The following PTPRT variants were observed in gnomAD, a reference collection of about 807,000 sequenced individuals.
PTPRT encodes the protein receptor-type tyrosine-protein phosphatase T.
A neutral mutation model predicts 176.8 loss-of-function variants in PTPRT; 56 were observed. The observed-to-expected ratio is 0.32, with a 90% CI of 0.26 to 0.40. The LOEUF is 0.40. PTPRT is among the 10% of genes least tolerant of loss of function. The pLI is 1.00. For synonymous variants in PTPRT, 783 were observed against 739.0 expected (o/e 1.06, Z -0.96); for missense variants, 1,540 against 1,908.2 (o/e 0.81, Z 3.60).
chr20:42,322,037 A>C (rs1182077671), intron 11 of PTPRT, among the ~76,000 whole-genome samples: 1 of 152,192 alleles, frequency 6.6e-6, no homozygotes, highest in Non-Finnish European at 1.5e-5. Context: ...ACGCCACTGC[A>C]CTCCAGCCTG....
At chr20:42,949,272 T>C (rs1981080510) in intron 1 of PTPRT, among the ~76,000 whole-genome samples, 1 of 152,172 alleles carries the variant, frequency 6.6e-6, no homozygotes, top group African/African-American at 2.4e-5. Flanking sequence ...TAGAACGCAG[T>C]AGTAGTGATG....
intron 21 of PTPRT, among the ~76,000 whole-genome samples, chr20:42,117,557 G>T (rs535153733): frequency 6.6e-6 from 1 of 152,166 alleles, no homozygotes; most frequent in Non-Finnish European, 1.5e-5. Flanking sequence ...AAGATTTAGA[G>T]GTCAGGGGAA....
intron 7 of PTPRT, among the ~76,000 whole-genome samples, chr20:42,663,315 A>G (rs6102975): frequency 1.9e-4 from 29 of 152,268 alleles, no homozygotes; most frequent in African/African-American, 6.7e-4. Flanking sequence ...GAAAGAGGTG[A>G]AAATTTCTTG....
chr20:42,833,139 A>T (rs915394772), intron 2 of PTPRT, among the ~76,000 whole-genome samples: 3 of 152,068 alleles, frequency 2.0e-5, no homozygotes, highest in African/African-American at 7.2e-5. Context: ...GTTATCAAAG[A>T]AATGATTTAA....
chr20:42,509,529 T>C (rs958733060), intron 7 of PTPRT, among the ~76,000 whole-genome samples: 1 of 146,536 alleles, frequency 6.8e-6, no homozygotes, highest in South Asian at 2.1e-4. Flanking sequence ...TTTATAGATA[T>C]ATAAATTAAT....
intron 9 of PTPRT, among the ~76,000 whole-genome samples, chr20:42,387,405 T>C (rs569800056): frequency 6.6e-6 from 1 of 152,370 alleles, no homozygotes; most frequent in East Asian, 1.9e-4. Context: ...GCAGGCTGGC[T>C]ACAGGGTGTG....
chr20:42,503,840 C>G (rs555037116), intron 7 of PTPRT, among the ~76,000 whole-genome samples: 2 of 152,206 alleles, frequency 1.3e-5, no homozygotes, highest in South Asian at 4.1e-4. Flanking sequence ...GCCAAGAACT[C>G]TGCCCCTTCA....
At chr20:42,894,904 G>A (rs896308129) in intron 1 of PTPRT, among the ~76,000 whole-genome samples, 1 of 152,134 alleles carries the variant, frequency 6.6e-6, no homozygotes, top group African/African-American at 2.4e-5. Flanking sequence ...AGGAAGGCAG[G>A]CACATGCAGA....
At chr20:42,779,202 G>A (rs2077179943) in intron 4 of PTPRT, among the ~76,000 whole-genome samples, 1 of 152,178 alleles carries the variant, frequency 6.6e-6, no homozygotes, top group African/African-American at 2.4e-5. Context: ...TTCAATTAAA[G>A]CAACATGGAT....
intron 3 of PTPRT, among the ~76,000 whole-genome samples, chr20:42,787,250 G>A (rs1355925715): frequency 6.6e-6 from 1 of 152,070 alleles, no homozygotes; most frequent in Admixed American, 6.6e-5. Flanking sequence ...ACTGAAACTG[G>A]GGCACACTAT....
chr20:42,909,807 G>C (rs191348106), intron 1 of PTPRT, among the ~76,000 whole-genome samples: 114 of 152,310 alleles, frequency 7.5e-4, no homozygotes, highest in Non-Finnish European at 1.2e-3. Flanking sequence ...TTTCACACAA[G>C]CATGTTGGAT....
intron 7 of PTPRT, among the ~76,000 whole-genome samples, chr20:42,504,162 T>G (rs915548587): frequency 6.6e-6 from 1 of 152,154 alleles, no homozygotes; most frequent in Non-Finnish European, 1.5e-5. Flanking sequence ...TGGAATAAAA[T>G]AGAGGATTTT....
chr20:42,545,819 A>G (rs1054050245), intron 7 of PTPRT, among the ~76,000 whole-genome samples: 9 of 152,204 alleles, frequency 5.9e-5, no homozygotes, highest in African/African-American at 2.2e-4. Flanking sequence ...AGAAGTTAGC[A>G]ACAAGGTCCA....
chr20:42,500,888 C>T (rs2071739868), intron 7 of PTPRT, among the ~76,000 whole-genome samples: 1 of 151,956 alleles, frequency 6.6e-6, no homozygotes, highest in Non-Finnish European at 1.5e-5. Context: ...ATGTATTTTC[C>T]AATGTCAGAC....
chr20:42,827,521 A>G (rs528607627), intron 2 of PTPRT, among the ~76,000 whole-genome samples: 1 of 152,340 alleles, frequency 6.6e-6, no homozygotes, highest in East Asian at 1.9e-4. Flanking sequence ...ACAAAGATAC[A>G]ACATACCAGA....
At chr20:42,533,891 T>C (rs896383595) in intron 7 of PTPRT, among the ~76,000 whole-genome samples, 1 of 152,200 alleles carries the variant, frequency 6.6e-6, no homozygotes, top group South Asian at 2.1e-4. Context: ...GCATAAAGTG[T>C]GGCATTGAGG....
intron 7 of PTPRT, among the ~76,000 whole-genome samples, chr20:42,491,794 T>C (rs2071565295): frequency 1.3e-5 from 2 of 152,334 alleles, no homozygotes; most frequent in East Asian, 1.9e-4. Context: ...CCAGCAGGAA[T>C]AGACTAAGAC....
chr20:42,809,537 G>A lies in PTPRT; in HGVS notation c.215-18071C>T, dbSNP rs572278748. 2.6e-5 allele frequency among the ~76,000 whole-genome samples: 4 copies of A among 152,284 alleles called. No individual in the cohort carries two copies. The East Asian group carries it at 5.8e-4, about 22-fold the overall frequency. Reference sequence around the variant, plus strand: ...CGGAACAAATTACCACAAACTTGGCGGTTTAGGATAACAGAGATTCATTCT... The same window carrying A: ...CGGAACAAATTACCACAAACTTGGCAGTTTAGGATAACAGAGATTCATTCT... On this transcript the variant is annotated intron_variant, in intron 2 of 30. Transcript: ENST00000373187.
intron 15 of PTPRT, among the ~76,000 whole-genome samples, chr20:42,211,917 A>G (rs1471543159): frequency 6.6e-6 from 1 of 151,246 alleles, no homozygotes; most frequent in African/African-American, 2.4e-5. Flanking sequence ...ACAATGATAG[A>G]CTGGATTAAG....
Sources: gnomAD v4.1 joint callset for allele counts (sites outside exome capture counted in the v4.1 genomes callset) on GRCh38, gnomAD v4.1.1 for gene constraint, MANE v1.5 for transcripts, NCBI Gene and HGNC (gene_info 2026-07-23, HGNC 2026-07-21) for gene names.